Variants in DTNBP1 observed in about 807,000 individuals in gnomAD.
DTNBP1 encodes dysbindin.
Under a neutral mutation model 42.8 loss-of-function variants are expected in DTNBP1, and 35 were observed. The ratio of observed to expected loss-of-function variants is 0.82; its 90% CI spans 0.63 to 1.09. The LOEUF (loss-of-function observed/expected upper bound fraction) is 1.09, where lower values mean the gene tolerates loss of function less well. DTNBP1 is among the 50% of genes least tolerant of loss of function. The pLI, the probability that DTNBP1 is intolerant of heterozygous loss-of-function variation, is 0.00. For missense variants in DTNBP1, 457 were observed against 424.2 expected, an observed-to-expected ratio of 1.08 and a Z score of -0.68; for synonymous variants, 171 against 162.2, an observed-to-expected ratio of 1.05 and a Z score of -0.41.
At chr6:15,580,503 C>T (rs1197674675) in intron 7 of DTNBP1, among the ~76,000 whole-genome samples, 1 of 152,148 alleles carries the variant, frequency 6.6e-6, no homozygotes, top group African/African-American at 2.4e-5. Flanking sequence ...TGGCAACTAC[C>T]TAAATTTCCA....
At chr6:15,534,093 T>C (rs530105659) in intron 7 of DTNBP1, among the ~76,000 whole-genome samples, 2 of 152,216 alleles carry the variant, frequency 1.3e-5, no homozygotes, top group Admixed American at 6.5e-5. Context: ...AAAAGGCAAA[T>C]GCTGTGTGCT....
At chr6:15,637,613 G>A (rs988006112) in intron 4 of DTNBP1, 131 bp downstream of exon 4, 41 of 962,338 alleles carry the variant, frequency 4.3e-5, no homozygotes, top group South Asian at 6.8e-5. Flanking sequence ...CATAATCAAC[G>A]ACTAGATTCA....
intron 7 of DTNBP1, among the ~76,000 whole-genome samples, chr6:15,570,467 G>A (rs1309880132): frequency 6.6e-6 from 1 of 152,140 alleles, no homozygotes; most frequent in Non-Finnish European, 1.5e-5. Context: ...GAGGTCACCT[G>A]AACGAACCCA....
At chr6:15,549,491 T>TAAAAA (rs1171397685) in intron 7 of DTNBP1, among the ~76,000 whole-genome samples, 1 of 77,976 alleles carries the variant, frequency 1.3e-5, no homozygotes, top group Non-Finnish European at 2.6e-5. Flanking sequence ...TCTCAGGGAT[T>TAAAAA]AAAAAAAAAA....
chr6:15,556,027 A>G (rs1387599196), intron 7 of DTNBP1, among the ~76,000 whole-genome samples: 2 of 152,170 alleles, frequency 1.3e-5, no homozygotes, highest in Non-Finnish European at 2.9e-5. Flanking sequence ...TATTTTGTCC[A>G]GGGTAAAGAA....
intron 6 of DTNBP1, among the ~76,000 whole-genome samples, chr6:15,606,824 GGAA>G (rs1445226013): frequency 1.3e-5 from 2 of 152,168 alleles, no homozygotes; most frequent in South Asian, 2.1e-4. Context: ...TTGTTAAAAA[GGAA>G]GAAGGTTTAT....
At chr6:15,524,264 AAACAAAC>A in intron 9 of DTNBP1, 1 of 1,535,044 alleles carries the variant, frequency 6.5e-7, no homozygotes, top group African/African-American at 1.5e-5. Flanking sequence ...AAAGGAGGGA[AAACAAAC>A]AAGAAAGCTC....
intron 7 of DTNBP1, chr6:15,548,395 G>T (rs968184961): frequency 2.0e-5 from 3 of 151,014 alleles, no homozygotes; most frequent in Admixed American, 1.3e-4. Flanking sequence ...CAGGATTCAG[G>T]TCAGCATTTG....
intron 1 of DTNBP1, among the ~76,000 whole-genome samples, chr6:15,661,445 G>C (rs1226102550): frequency 1.3e-5 from 2 of 152,310 alleles, no homozygotes; most frequent in East Asian, 3.9e-4. Flanking sequence ...GGATCACAAG[G>C]TCAGGAGTTC....
At chr6:15,593,228 AAATGACCAGTAC>A (rs1337503480) in intron 6 of DTNBP1, 147 bp from the exon 7 acceptor site, 8 of 750,338 alleles carry the variant, frequency 1.1e-5, no homozygotes. Flanking sequence ...TACTTTACTG[AAATGACCAGTAC>A]AATGAGCCTA....
intron 6 of DTNBP1, among the ~76,000 whole-genome samples, chr6:15,606,788 G>T (rs1758083733): frequency 6.6e-6 from 1 of 152,100 alleles, no homozygotes; most frequent in East Asian, 1.9e-4. Context: ...AGTAAGAAAA[G>T]TCATTAGTGT....
intron 7 of DTNBP1, among the ~76,000 whole-genome samples, chr6:15,564,065 GAAA>G (rs201105772): frequency 1.7e-5 from 2 of 116,196 alleles, no homozygotes; most frequent in African/African-American, 6.3e-5. Context: ...CTTGGTCTCG[GAAA>G]AAAAAAAAAA....
intron 7 of DTNBP1, among the ~76,000 whole-genome samples, chr6:15,538,354 G>C (rs1392243588): frequency 6.6e-6 from 1 of 152,152 alleles, no homozygotes; most frequent in Non-Finnish European, 1.5e-5. Flanking sequence ...GACAGCAGGT[G>C]AAAGAAAAGG....
intron 1 of DTNBP1, chr6:15,660,640 T>C (rs909706): frequency 0.63 from 604,895 of 953,832 alleles, 194,169 homozygotes; most frequent in African/African-American, 0.79. Context: ...GGGTTCTAAC[T>C]AGATCCCTTT....
At chr6:15,635,920 AT>A (rs1336764638) in intron 4 of DTNBP1, among the ~76,000 whole-genome samples, 1 of 152,184 alleles carries the variant, frequency 6.6e-6, no homozygotes, top group African/African-American at 2.4e-5. Context: ...ATATATAACT[AT>A]TTAACAGTCA....
intron 7 of DTNBP1, among the ~76,000 whole-genome samples, chr6:15,535,214 G>C (rs1285758889): frequency 6.6e-6 from 1 of 152,096 alleles, no homozygotes; most frequent in Non-Finnish European, 1.5e-5. Flanking sequence ...TCTCCACCTT[G>C]TGAAGGAGCC....
At chr6:15,570,607 A>G (rs1394395645) in intron 7 of DTNBP1, among the ~76,000 whole-genome samples, 1 of 152,242 alleles carries the variant, frequency 6.6e-6, no homozygotes, top group Non-Finnish European at 1.5e-5. Context: ...GTTTTACACC[A>G]AAGGCTGTGT....
At chr6:15,583,137 T>C (rs1421265288) in intron 7 of DTNBP1, among the ~76,000 whole-genome samples, 2 of 152,128 alleles carry the variant, frequency 1.3e-5, no homozygotes, top group African/African-American at 4.8e-5. Context: ...CATGCCACCA[T>C]GCCCGGCTAA....
chr6:15,544,955 A>G (rs1773786943), intron 7 of DTNBP1, among the ~76,000 whole-genome samples: 1 of 152,156 alleles, frequency 6.6e-6, no homozygotes, highest in Non-Finnish European at 1.5e-5. Context: ...TTTTAGAAAA[A>G]TTTTGTTCAG....
Sources: gnomAD v4.1 joint callset for allele counts (sites outside exome capture counted in the v4.1 genomes callset) on GRCh38, gnomAD v4.1.1 for gene constraint, MANE v1.5 for transcripts, NCBI Gene and HGNC (gene_info 2026-07-23, HGNC 2026-07-21) for gene names.